Variants in TNN observed in about 807,000 individuals in gnomAD.
TNN encodes the protein tenascin-N.
TNN carries 122 observed loss-of-function variants against 134.4 expected under a neutral mutation model. The observed-to-expected ratio is 0.91, with a 90% CI of 0.78 to 1.06. The LOEUF is 1.06. Ranked by LOEUF, TNN falls within the 50% of genes least tolerant of loss-of-function variation. The pLI is 0.00. For synonymous variants in TNN, 710 were observed against 670.3 expected (o/e 1.06, Z -0.91); for missense variants, 1,739 against 1,699.4 (o/e 1.02, Z -0.41).
At chr1:175,110,295 A>G (rs762399891) in intron 9 of TNN, among the ~76,000 whole-genome samples, 1 of 152,218 alleles carries the variant, frequency 6.6e-6, no homozygotes, top group Non-Finnish European at 1.5e-5. Flanking sequence ...ACAGCTTGCA[A>G]ATAGTTTCTC....
Position 175,128,696 on chromosome 1 carries a change from C to A in TNN, c.3280C>A (p.Arg1094=), listed in dbSNP as rs756803910. 8 of 1,614,032 alleles carry A rather than the reference C, an allele frequency of 5.0e-6. No individual in the cohort carries two copies. The Middle Eastern group carries it at 8.3e-4, about 167-fold the overall frequency. ...YTIYLHGDAS[R]PLQVYCDMET... The stretch of plus-strand genomic sequence containing the variant: ...CATCTACCTGCATGGCGATGCCAGC[C>A]GGCCCCTGCAGGTGTACTGTGACAT... The change falls in exon 15 of 19, where the codon CGG becomes AGG. Residue 1094 remains arginine, a synonymous_variant. Transcript: ENST00000239462.
chr1:175,084,246 A>G (rs569129769), intron 5 of TNN, among the ~76,000 whole-genome samples: 1 of 152,192 alleles, frequency 6.6e-6, no homozygotes, highest in Non-Finnish European at 1.5e-5. Flanking sequence ...TTGATGGTGT[A>G]TAGATATTCC....
At chr1:175,134,803 G>C (rs1485738948) in intron 15 of TNN, among the ~76,000 whole-genome samples, 1 of 151,900 alleles carries the variant, frequency 6.6e-6, no homozygotes. Context: ...CCCTTCATCT[G>C]CACTCTACAG....
rs1383759845 is a variant in TNN, at chr1:175,079,473, G to C, written c.550G>C (p.Gly184Arg). 1.9e-6 allele frequency: 3 copies of C among 1,563,384 alleles called. No individual in the cohort carries two copies. The highest frequency in any genetic ancestry group is 2.6e-6 in the Non-Finnish European group (3 of 1,156,528). The change falls in exon 3 of 19, where the codon GGG becomes CGG. Residue 184 changes from glycine to arginine, a missense_variant. Transcript: ENST00000239462. Reference protein sequence around the residue: ...ACSGHGRCVDGRCLCHEPYVG... With the variant: ...ACSGHGRCVDRRCLCHEPYVG... ...CAGCGGCCACGGGCGTTGCGTGGAC[G>C]GGCGCTGCCTGTGCCATGAGCCCTA...
chr1:175,079,488 C>A lies in TNN; in HGVS notation c.565C>A (p.His189Asn), dbSNP rs1674139119. Residue 189 changes from histidine to asparagine, a missense_variant, in exon 3 of 19, where the codon CAT (histidine) becomes AAT (asparagine). By Grantham distance (68) the His-to-Asn change is moderately conservative (BLOSUM62 1). Coordinates refer to ENST00000239462, the MANE Select transcript of TNN (RefSeq NM_022093.2). ...TTGCGTGGACGGGCGCTGCCTGTGCCATGAGCCCTACGTGGGTGCCGACTG... is the reference window on the plus strand; with the variant it reads ...TTGCGTGGACGGGCGCTGCCTGTGCAATGAGCCCTACGTGGGTGCCGACTG... ...GRCVDGRCLC[H>N]EPYVGADCGY... The A allele has an allele frequency of 3.8e-6, 6 of 1,562,996 alleles. No homozygotes were observed. In the South Asian group the frequency reaches 7.0e-5, roughly 18 times the overall value.
intron 9 of TNN, among the ~76,000 whole-genome samples, chr1:175,116,187 T>G (rs1251832818): frequency 6.6e-6 from 1 of 152,236 alleles, no homozygotes; most frequent in Non-Finnish European, 1.5e-5. Context: ...AATAACTCTG[T>G]AGAATATGTA....
intron 7 of TNN, among the ~76,000 whole-genome samples, chr1:175,096,121 T>C (rs533589161): frequency 5.9e-5 from 9 of 152,294 alleles, no homozygotes; most frequent in South Asian, 4.1e-4. Flanking sequence ...AGCAAACAAA[T>C]GTCCCTGGAG....
intron 16 of TNN, 85 bp downstream of exon 16, chr1:175,136,026 C>T (rs767288493): frequency 3.6e-5 from 35 of 978,760 alleles, no homozygotes; most frequent in East Asian, 1.5e-4. Flanking sequence ...GGGAAGCTCA[C>T]CACCTTCACA....
intron 15 of TNN, 56 bp downstream of exon 15, chr1:175,128,802 G>C (rs556506068): frequency 1.3e-6 from 2 of 1,540,850 alleles, no homozygotes; most frequent in Non-Finnish European, 1.8e-6. Context: ...CTCAGCCCAG[G>C]ATGCCGGTCA....
intron 11 of TNN, among the ~76,000 whole-genome samples, chr1:175,121,099 AAAAAT>A (rs1260414810): frequency 1.3e-5 from 2 of 152,244 alleles, no homozygotes; most frequent in African/African-American, 4.8e-5. Context: ...TTAATTAATT[AAAAAT>A]AAAATAAAAA....
chr1:175,117,095 A>C lies in TNN; in HGVS notation c.2276A>C (p.Gln759Pro). 3 of 1,614,272 alleles carry C rather than the reference A, an allele frequency of 1.9e-6. No homozygotes were observed. Among genetic ancestry groups the C allele is most frequent in the Non-Finnish European group, 2.5e-6 (3 of 1,180,048 alleles). The change falls in exon 10 of 19, where the codon CAG becomes CCG. Residue 759 changes from glutamine (Q) to proline (P), a missense_variant. Gln to Pro is a moderately conservative substitution (Grantham distance 76). Coordinates refer to ENST00000239462, the MANE Select transcript of TNN (RefSeq NM_022093.2). Reference sequence around the variant, plus strand: ...AGGGAGGTTCCGGTGGGGAAGGAGCAGAGTAGCACTGTCCTGACGGGCCTG... The same window carrying C: ...AGGGAGGTTCCGGTGGGGAAGGAGCCGAGTAGCACTGTCCTGACGGGCCTG... ...ETREVPVGKE[Q>P]SSTVLTGLRP...
In TNN at chr1:175,079,596, T is replaced by A; in HGVS notation, c.673T>A (p.Ser225Thr). ...GVCQCHEDFM[S>T]EDCSEKRCPG... ...GTGCCAGTGCCACGAAGACTTCATG[T>A]CGGAGGACTGCAGCGAGAAGCGCTG... Residue 225 changes from serine to threonine, a missense_variant, in exon 3 of 19, where the codon TCG (serine) becomes ACG (threonine). Ser to Thr is a moderately conservative substitution (Grantham distance 58). Transcript: ENST00000239462. 6.3e-7 allele frequency: 1 copy of A among 1,594,520 alleles called. No individual in the cohort carries two copies.
In TNN at chr1:175,146,953, A is replaced by G; in HGVS notation, c.3782A>G (p.Lys1261Arg). The change falls in exon 19 of 19, where the codon AAA (lysine) becomes AGA (arginine). Residue 1261 changes from lysine (K) to arginine (R), a missense_variant. Physicochemically the swap from Lys to Arg is conservative, Grantham distance 26. Coordinates refer to ENST00000239462, the MANE Select transcript of TNN (RefSeq NM_022093.2). ...HSEGVNWEPW[K>R]GHEFSIPYVE... ...TAGGGGGTGAACTGGGAGCCTTGGA[A>G]AGGACATGAATTCTCCATTCCTTAC... 6.4e-7 allele frequency: 1 copy of G among 1,565,874 alleles called. No individual in the cohort carries two copies. The highest frequency in any genetic ancestry group is 1.2e-5 in the South Asian group (1 of 84,912).
chr1:175,111,486 C>CAAAAAA (rs59538028), intron 9 of TNN, among the ~76,000 whole-genome samples: 3 of 62,512 alleles, frequency 4.8e-5, no homozygotes, highest in African/African-American at 1.7e-4. Context: ...GACTCTGTCT[C>CAAAAAA]AAAAAAAAAA....
rs779103387 is a variant in TNN at position 175,098,473 on chromosome 1, TG to T, written c.2001del (p.Lys668ArgfsTer8). ...SAGGETREVP[V>X]GKEQSSTVLT... ...GGTGGAGAGACCAGGGAGGTTCCGG[TG>T]GGGAAGGAGCAGAGCAGCACAGTCC... On this transcript the variant is annotated frameshift_variant, in exon 9 of 19. Coordinates refer to ENST00000239462, the MANE Select transcript of TNN (RefSeq NM_022093.2). LOFTEE classifies it high-confidence loss of function. 3 of 1,613,650 alleles carry T rather than the reference TG, an allele frequency of 1.9e-6. No homozygotes were observed. In the East Asian group the frequency reaches 6.7e-5, roughly 36 times the overall value.
chr1:175,082,530 A>G (rs535086037), intron 4 of TNN, among the ~76,000 whole-genome samples: 3 of 152,264 alleles, frequency 2.0e-5, no homozygotes, highest in Admixed American at 2.0e-4. Context: ...AGGGAATTCC[A>G]TCTTTAATGG....
At chr1:175,115,443 G>A (rs1235277430) in intron 9 of TNN, among the ~76,000 whole-genome samples, 1 of 152,182 alleles carries the variant, frequency 6.6e-6, no homozygotes. Context: ...CCACGAAAGA[G>A]CGTGCAGTTT....
chr1:175,147,026 G>A lies in TNN; in HGVS notation c.3855G>A (p.Leu1285=), dbSNP rs1328695182. ...RPHGYSREPV[L]GRKKRTLRGR... ...ATGGCTACAGCAGGGAGCCTGTCCTGGGCAGAAAGAAGCGGACGCTGAGAG... is the reference window on the plus strand; with the variant it reads ...ATGGCTACAGCAGGGAGCCTGTCCTAGGCAGAAAGAAGCGGACGCTGAGAG... Residue 1285 remains leucine, a synonymous_variant, in exon 19 of 19, where the codon CTG becomes CTA. Transcript: ENST00000239462. 2 of 1,600,682 alleles carry A rather than the reference G, an allele frequency of 1.2e-6. No individual in the cohort carries two copies. The highest frequency in any genetic ancestry group is 1.7e-6 in the Non-Finnish European group (2 of 1,172,458).
At chr1:175,092,243 TG>T (rs1674468426) in intron 6 of TNN, among the ~76,000 whole-genome samples, 1 of 152,170 alleles carries the variant, frequency 6.6e-6, no homozygotes, top group Admixed American at 6.5e-5. Flanking sequence ...TGTTACAGGA[TG>T]GGGAGAGAGT....
Sources: gnomAD v4.1 joint callset for allele counts (sites outside exome capture counted in the v4.1 genomes callset) on GRCh38, gnomAD v4.1.1 for gene constraint, MANE v1.5 for transcripts, NCBI Gene and HGNC (gene_info 2026-07-23, HGNC 2026-07-21) for gene names.